The following C6orf15 variants were observed in gnomAD, a reference collection of about 807,000 sequenced individuals.
C6orf15 encodes the protein uncharacterized protein C6orf15.
A neutral mutation model predicts 2.8 loss-of-function variants in C6orf15; 5 were observed. The observed-to-expected ratio is 1.80, with a 90% CI of 0.94 to 3.78. The LOEUF is 3.78. C6orf15 is among the 30% of genes most tolerant of loss of function. The probability of loss-of-function intolerance (pLI) is 0.00; values close to 1 mark genes in which losing one functional copy is unlikely to be tolerated. For synonymous variants in C6orf15, 145 were observed against 163.2 expected (o/e 0.89, Z 0.85); for missense variants, 363 against 418.8 (o/e 0.87, Z 1.16).
chr6:31,112,344 A>T, intron 1 of C6orf15, 53 bp from the exon 2 acceptor site: 1 of 1,545,950 alleles, frequency 6.5e-7, no homozygotes, highest in Non-Finnish European at 8.8e-7. Context: ...CCGAGTCCCC[A>T]GTTCCCTTTG....
chr6:31,112,388 G>T, intron 1 of C6orf15, 97 bp from the exon 2 acceptor site: 1 of 1,450,828 alleles, frequency 6.9e-7, no homozygotes, highest in Non-Finnish European at 9.4e-7. Context: ...TTTCCCTCAG[G>T]GACCTAAATG....
At position 31,112,161 on chromosome 6, in the gene C6orf15, G is replaced by A; in HGVS notation, c.198C>T (p.Asp66=). ...CCCTTGCCAAGTCATTAGACCTAGGGTCCAGAGCGGGCTGCGGATGTTCAG... is the reference window on the plus strand; with the variant it reads ...CCCTTGCCAAGTCATTAGACCTAGGATCCAGAGCGGGCTGCGGATGTTCAG... The part of the protein sequence containing the change: ...SNSEHPQPAL[D]PRSNDLARVP... The change falls in exon 2 of 2, where the codon GAC becomes GAT. Residue 66 remains aspartate (D), a synonymous_variant. Coordinates refer to ENST00000259870, the MANE Select transcript of C6orf15 (RefSeq NM_014070.3). The A allele has an allele frequency of 3.7e-6, 6 of 1,614,140 alleles. No individual in the cohort carries two copies. The highest frequency in any genetic ancestry group is 5.1e-6 in the Non-Finnish European group (6 of 1,180,006).
rs140927110 is a variant in C6orf15 at position 31,111,454 on chromosome 6, C to T, written c.905G>A (p.Arg302His). The T allele has an allele frequency of 3.4e-5, 55 of 1,612,474 alleles. No homozygotes were observed. The highest frequency in any genetic ancestry group is 4.0e-5 in the African/African-American group (3 of 74,836). Residue 302 changes from arginine (R) to histidine (H), a missense_variant, in exon 2 of 2, where the codon CGC becomes CAC. By Grantham distance (29) the Arg-to-His change is conservative (BLOSUM62 0). Coordinates refer to ENST00000259870, the MANE Select transcript of C6orf15 (RefSeq NM_014070.3). ...INNPFPPGVL[R>H]PPGSSWNIPA... ...GATGTTCCAAGAAGAGCCAGGAGGG[C>T]GGAGGACTCCAGGAGGAAATGGGTT...
Position 31,111,993 on chromosome 6 carries a change from C to T in C6orf15, c.366G>A (p.Ala122=), listed in dbSNP as rs774003150. The change falls in exon 2 of 2, where the codon GCG becomes GCA. Residue 122 remains alanine (A), a synonymous_variant. Transcript: ENST00000259870. ...GCGCTTCCCCCAGGCGGTCCTCAGC[C>T]GCAGCAGCCATCATCTGCCAAGGAT... ...PEDPWQMMAA[A]AEDRLGEALP... 5.6e-5 allele frequency: 91 copies of T among 1,613,456 alleles called. No individual in the cohort carries two copies. The highest frequency in any genetic ancestry group is 7.0e-5 in the Non-Finnish European group (83 of 1,180,020).
chr6:31,111,294 A>C lies in C6orf15; in HGVS notation c.*87T>G, dbSNP rs577517144. 1.6e-6 allele frequency: 2 copies of C among 1,231,358 alleles called. No homozygotes were observed. The highest frequency in any genetic ancestry group is 3.0e-5 in the African/African-American group (2 of 65,652). 76.3% of individuals were successfully genotyped at this position (1,231,358 alleles called of 1,614,324 possible). ...GAAAAGTGGGGATAGTGCTGGAAACATGCTGACAGGGCCTGGATTGAGCCC... is the reference window on the plus strand; with the variant it reads ...GAAAAGTGGGGATAGTGCTGGAAACCTGCTGACAGGGCCTGGATTGAGCCC... On this transcript the variant is annotated 3_prime_UTR_variant, in exon 2 of 2. Transcript: ENST00000259870.
At position 31,111,511 on chromosome 6, in the gene C6orf15, C is replaced by T; in HGVS notation, c.848G>A (p.Trp283Ter). The part of the protein sequence containing the change: ...GNINRYPGGS[W>*]GNIHLYPGIN... ...ACCTGGGTATAGATGAATATTCCCC[C>T]AGCTGCCTCCTGGATACCGATTAAT... The change falls in exon 2 of 2, where the codon TGG becomes TAG. Residue 283 changes from tryptophan (W) to a stop codon, truncating the protein, a stop_gained. Coordinates refer to ENST00000259870, the MANE Select transcript of C6orf15 (RefSeq NM_014070.3). LOFTEE classifies it low-confidence loss of function (END_TRUNC). The T allele has an allele frequency of 6.2e-7, 1 of 1,605,102 alleles. No individual in the cohort carries two copies. The highest frequency in any genetic ancestry group is 8.5e-7 in the Non-Finnish European group (1 of 1,175,076).
chr6:31,112,224 AG>A lies in C6orf15; in HGVS notation c.134del (p.Pro45LeufsTer33), dbSNP rs772328585. On this transcript the variant is annotated frameshift_variant, in exon 2 of 2. Coordinates refer to ENST00000259870, the MANE Select transcript of C6orf15 (RefSeq NM_014070.3). LOFTEE classifies it low-confidence loss of function (END_TRUNC). ...KVSQNLGTNL[P>X]QLGQPSSTGP... ...CAGTGGAGGAAGGTTGTCCGAGCTG[AG>A]GCAAGTTGGTCCCCAAGTTTTGGGA... The A allele has an allele frequency of 8.1e-6, 13 of 1,614,074 alleles. No homozygotes were observed. The Admixed American group carries it at 2.2e-4, about 27-fold the overall frequency.
chr6:31,111,808 A>C lies in C6orf15; in HGVS notation c.551T>G (p.Leu184Arg), dbSNP rs771723691. 5 of 1,612,912 alleles carry C rather than the reference A, an allele frequency of 3.1e-6. No individual in the cohort carries two copies. Among genetic ancestry groups the C allele is most frequent in the Non-Finnish European group, 4.2e-6 (5 of 1,179,946 alleles). Reference protein sequence around the residue: ...ESRRLPRSNSLGAGGKILSQR... With the variant: ...ESRRLPRSNSRGAGGKILSQR... Reference sequence around the variant, plus strand: ...GGAAAGGATTTTTCCCCCGGCTCCCAGTGAATTAGAACGGGGCAGTCGTCT... The same window carrying C: ...GGAAAGGATTTTTCCCCCGGCTCCCCGTGAATTAGAACGGGGCAGTCGTCT... Residue 184 changes from leucine to arginine, a missense_variant, in exon 2 of 2, where the codon CTG becomes CGG. By Grantham distance (102) the Leu-to-Arg change is moderately radical (BLOSUM62 -2). Coordinates refer to ENST00000259870, the MANE Select transcript of C6orf15 (RefSeq NM_014070.3).
chr6:31,112,360 C>T, intron 1 of C6orf15, 69 bp from the exon 2 acceptor site: 2 of 1,502,180 alleles, frequency 1.3e-6, no homozygotes, highest in Non-Finnish European at 1.8e-6. Flanking sequence ...CTTTGCTTCC[C>T]CTATGCCTAT....
chr6:31,111,767 A>G lies in C6orf15; in HGVS notation c.592T>C (p.Ser198Pro). The G allele has an allele frequency of 6.2e-7, 1 of 1,612,810 alleles. No homozygotes were observed. The highest frequency in any genetic ancestry group is 8.5e-7 in the Non-Finnish European group (1 of 1,179,924). ...TCAGGCAGAACCCTGTGGATGAGAG[A>G]CCAGGGAGGGCGTTGGGAAAGGATT... ...GKILSQRPPWSLIHRVLPDHP... is the reference protein window; with the variant it reads ...GKILSQRPPWPLIHRVLPDHP... The change falls in exon 2 of 2, where the codon TCT (serine) becomes CCT (proline). Residue 198 changes from serine to proline, a missense_variant. Coordinates refer to ENST00000259870, the MANE Select transcript of C6orf15 (RefSeq NM_014070.3).
rs781426982 is a variant in C6orf15, at chr6:31,111,676, C to T, written c.683G>A (p.Gly228Glu). ...WGGGGPGTGWGTRPMPHPEGI... is the reference protein window; with the variant it reads ...WGGGGPGTGWETRPMPHPEGI... Reference sequence around the variant, plus strand: ...CTCAGGGTGTGGCATGGGCCTCGTTCCCCAACCAGTCCCAGGGCCTCCACC... The same window carrying T: ...CTCAGGGTGTGGCATGGGCCTCGTTTCCCAACCAGTCCCAGGGCCTCCACC... Residue 228 changes from glycine (G) to glutamate (E), a missense_variant, in exon 2 of 2, where the codon GGA becomes GAA. Transcript: ENST00000259870. The T allele has an allele frequency of 8.1e-6, 13 of 1,610,208 alleles. No individual in the cohort carries two copies. Among genetic ancestry groups the T allele is most frequent in the Non-Finnish European group, 1.1e-5 (13 of 1,178,110 alleles).
chr6:31,111,738 G>A lies in C6orf15; in HGVS notation c.621C>T (p.His207=). 9.3e-6 allele frequency: 15 copies of A among 1,612,008 alleles called. No homozygotes were observed. The highest frequency in any genetic ancestry group is 1.2e-5 in the Non-Finnish European group (14 of 1,179,386). ...WSLIHRVLPD[H]PWGTLNPSVS... is the part of the protein sequence containing the mutation. The stretch of plus-strand genomic sequence containing the variant: ...CACTGGGATTCAGGGTACCCCAGGG[G>A]TGATCAGGCAGAACCCTGTGGATGA... Residue 207 remains histidine (H), a synonymous_variant, in exon 2 of 2, where the codon CAC becomes CAT. Coordinates refer to ENST00000259870, the MANE Select transcript of C6orf15 (RefSeq NM_014070.3).
Position 31,111,975 on chromosome 6 carries a change from C to G in C6orf15, c.384G>C (p.Gly128=). 6.2e-7 allele frequency: 1 copy of G among 1,613,342 alleles called. No individual in the cohort carries two copies. The highest frequency in any genetic ancestry group is 8.5e-7 in the Non-Finnish European group (1 of 1,180,008). Residue 128 remains glycine, a synonymous_variant, in exon 2 of 2, where the codon GGG becomes GGC. Coordinates refer to ENST00000259870, the MANE Select transcript of C6orf15 (RefSeq NM_014070.3). ...AAGAGAGTTCTTCAGGCAGCGCTTC[C>G]CCCAGGCGGTCCTCAGCCGCAGCAG... is the stretch of plus-strand genomic sequence containing the variant. ...MMAAAAEDRL[G]EALPEELSYL... is the part of the protein sequence containing the mutation.
At position 31,112,041 on chromosome 6, in the gene C6orf15, G is replaced by A. The variant is rs759605931; in HGVS notation, c.318C>T (p.Ala106=). The part of the protein sequence containing the change: ...QRWPPSWGLP[A]MDSWPPEDPW... ...GATCCTCAGGGGGCCAGGAATCCAT[G>A]GCAGGCAGCCCCCACGATGGAGGCC... Residue 106 remains alanine, a synonymous_variant, in exon 2 of 2, where the codon GCC becomes GCT. Transcript: ENST00000259870. 4 of 1,613,996 alleles carry A rather than the reference G, an allele frequency of 2.5e-6. No homozygotes were observed. In the African/African-American group the frequency reaches 5.3e-5, roughly 22 times the overall value.
In C6orf15 at chr6:31,111,898, T is replaced by TC; in HGVS notation, c.460dup (p.Glu154GlyfsTer29). On this transcript the variant is annotated frameshift_variant, in exon 2 of 2. Coordinates refer to ENST00000259870, the MANE Select transcript of C6orf15 (RefSeq NM_014070.3). LOFTEE classifies it low-confidence loss of function (END_TRUNC). ...GAGGCCTGTGGCATCGGGAGAAGAC[T>TC]CCCCAGGCAAAGGGCCACTGCCCGG... 6.2e-7 allele frequency: 1 copy of TC among 1,612,766 alleles called. No individual in the cohort carries two copies. Among genetic ancestry groups the TC allele is most frequent in the Admixed American group, 1.7e-5 (1 of 59,994 alleles).
Position 31,111,829 on chromosome 6 carries a change from C to A in C6orf15, c.530G>T (p.Arg177Leu), listed in dbSNP as rs111832758. The change falls in exon 2 of 2, where the codon CGA becomes CTA. Residue 177 changes from arginine to leucine, a missense_variant. Physicochemically the swap from Arg to Leu is moderately radical, Grantham distance 102 (BLOSUM62 -2). Coordinates refer to ENST00000259870, the MANE Select transcript of C6orf15 (RefSeq NM_014070.3). Reference protein sequence around the residue: ...SLLHQDSESRRLPRSNSLGAG... With the variant: ...SLLHQDSESRLLPRSNSLGAG... Reference sequence around the variant, plus strand: ...TCCCAGTGAATTAGAACGGGGCAGTCGTCTGGACTCCGAGTCCTGGTGGAG... The same window carrying A: ...TCCCAGTGAATTAGAACGGGGCAGTAGTCTGGACTCCGAGTCCTGGTGGAG... 108 of 1,612,796 alleles carry A rather than the reference C, an allele frequency of 6.7e-5. No individual in the cohort carries two copies. In the African/African-American group the frequency reaches 1.3e-3, roughly 19 times the overall value.
At position 31,111,392 on chromosome 6, in the gene C6orf15, G is replaced by A; in HGVS notation, c.967C>T (p.Gln323Ter). 6.3e-7 allele frequency: 1 copy of A among 1,599,020 alleles called. No homozygotes were observed. Among genetic ancestry groups the A allele is most frequent in the Non-Finnish European group, 8.6e-7 (1 of 1,169,506 alleles). Residue 323 changes from glutamine to a stop codon, truncating the protein, a stop_gained, in exon 2 of 2, where the codon CAG becomes TAG. Coordinates refer to ENST00000259870, the MANE Select transcript of C6orf15 (RefSeq NM_014070.3). LOFTEE classifies it high-confidence loss of function. Reference protein sequence around the residue: ...GFPNPPSPRLQWG With the variant: ...GFPNPPSPRL Reference sequence around the variant, plus strand: ...CCCTCTATCGTGCTCTAGCCCCACTGCAACCTAGGGCTTGGAGGATTAGGG... The same window carrying A: ...CCCTCTATCGTGCTCTAGCCCCACTACAACCTAGGGCTTGGAGGATTAGGG...
At position 31,111,821 on chromosome 6, in the gene C6orf15, G is replaced by T; in HGVS notation, c.538C>A (p.Arg180Ser). Residue 180 changes from arginine (R) to serine (S), a missense_variant, in exon 2 of 2, where the codon CGT (arginine) becomes AGT (serine). Coordinates refer to ENST00000259870, the MANE Select transcript of C6orf15 (RefSeq NM_014070.3). Reference sequence around the variant, plus strand: ...CCCCCGGCTCCCAGTGAATTAGAACGGGGCAGTCGTCTGGACTCCGAGTCC... The same window carrying T: ...CCCCCGGCTCCCAGTGAATTAGAACTGGGCAGTCGTCTGGACTCCGAGTCC... ...HQDSESRRLP[R>S]SNSLGAGGKI... 1 of 1,612,892 alleles carries T rather than the reference G, an allele frequency of 6.2e-7. No individual in the cohort carries two copies. Among genetic ancestry groups the T allele is most frequent in the Middle Eastern group, 1.7e-4 (1 of 6,060 alleles).
Position 31,112,001 on chromosome 6 carries a change from C to A in C6orf15, c.358G>T (p.Ala120Ser), listed in dbSNP as rs772392941. ...CCCAGGCGGTCCTCAGCCGCAGCAG[C>A]CATCATCTGCCAAGGATCCTCAGGG... ...WPPEDPWQMM[A>S]AAAEDRLGEA... Residue 120 changes from alanine (A) to serine (S), a missense_variant, in exon 2 of 2, where the codon GCT (alanine) becomes TCT (serine). Ala to Ser is a moderately conservative substitution (Grantham distance 99, BLOSUM62 1). Coordinates refer to ENST00000259870, the MANE Select transcript of C6orf15 (RefSeq NM_014070.3). The A allele has an allele frequency of 6.2e-7, 1 of 1,613,724 alleles. No individual in the cohort carries two copies. The highest frequency in any genetic ancestry group is 1.1e-5 in the South Asian group (1 of 91,078).
Sources: gnomAD v4.1 joint callset for allele counts on GRCh38, gnomAD v4.1.1 for gene constraint, MANE v1.5 for transcripts, NCBI Gene and HGNC (gene_info 2026-07-23, HGNC 2026-07-21) for gene names.